Variants in IGFBP7 observed in about 807,000 individuals in gnomAD.
IGFBP7 encodes the protein insulin-like growth factor-binding protein 7.
IGFBP7 carries 31 observed loss-of-function variants against 29.4 expected under a neutral mutation model. The ratio of observed to expected loss-of-function variants is 1.05; its 90% CI spans 0.79 to 1.42. The LOEUF (loss-of-function observed/expected upper bound fraction) is 1.42. Ranked by LOEUF, IGFBP7 falls within the 40% of genes most tolerant of loss-of-function variation. The pLI is 0.00. For missense variants in IGFBP7, 393 were observed against 395.5 expected (o/e 0.99, Z 0.05); for synonymous variants, 172 against 174.9 (o/e 0.98, Z 0.13).
chr4:57,031,277 G>A lies in IGFBP7; in HGVS notation c.*40C>T. On this transcript the variant is annotated 3_prime_UTR_variant, in exon 5 of 5. Coordinates refer to ENST00000295666, the MANE Select transcript of IGFBP7 (RefSeq NM_001553.3). ...AAGAACAGGTAATGTAGTTATCCATGACTACTTTTAACCATGCAGACTAAT... is the reference window on the plus strand; with the variant it reads ...AAGAACAGGTAATGTAGTTATCCATAACTACTTTTAACCATGCAGACTAAT... The A allele has an allele frequency of 2.0e-6, 3 of 1,535,630 alleles. No homozygotes were observed. The highest frequency in any genetic ancestry group is 2.7e-6 in the Non-Finnish European group (3 of 1,110,670).
At chr4:57,105,173 C>T (rs745998746) in intron 1 of IGFBP7, among the ~76,000 whole-genome samples, 3 of 152,200 alleles carry the variant, frequency 2.0e-5, no homozygotes, top group East Asian at 1.9e-4. Context: ...TCCTCCCAAG[C>T]GTTCTTAGCA....
intron 2 of IGFBP7, among the ~76,000 whole-genome samples, chr4:57,038,051 A>T (rs1387057698): frequency 6.6e-6 from 1 of 152,204 alleles, no homozygotes; most frequent in African/African-American, 2.4e-5. Context: ...TTCACTGTAA[A>T]GGATGGTATA....
intron 1 of IGFBP7, among the ~76,000 whole-genome samples, chr4:57,057,710 C>G (rs913556595): frequency 1.3e-5 from 2 of 152,136 alleles, no homozygotes; most frequent in African/African-American, 4.8e-5. Context: ...TTTTAGGAAG[C>G]TGGGCACTTC....
intron 1 of IGFBP7, among the ~76,000 whole-genome samples, chr4:57,100,324 C>T (rs1027028714): frequency 6.6e-6 from 1 of 151,780 alleles, no homozygotes; most frequent in Non-Finnish European, 1.5e-5. Flanking sequence ...AAGAGATCCT[C>T]CCACCTTGGC....
At chr4:57,035,348 T>C (rs1251181221) in intron 2 of IGFBP7, among the ~76,000 whole-genome samples, 2 of 152,224 alleles carry the variant, frequency 1.3e-5, no homozygotes, top group Non-Finnish European at 2.9e-5. Flanking sequence ...AGGTTATACA[T>C]CATGTAGAAA....
chr4:57,091,713 A>C (rs867742446), intron 1 of IGFBP7, among the ~76,000 whole-genome samples: 9 of 152,230 alleles, frequency 5.9e-5, no homozygotes, highest in African/African-American at 2.2e-4. Flanking sequence ...AGCACTGTTT[A>C]CTGTATTAAC....
chr4:57,065,947 G>T (rs946547726), intron 1 of IGFBP7, among the ~76,000 whole-genome samples: 1 of 152,036 alleles, frequency 6.6e-6, no homozygotes, highest in Admixed American at 6.6e-5. Context: ...GTGTTCCTTT[G>T]CTCCCTACCC....
At chr4:57,102,705 C>T (rs1235695778) in intron 1 of IGFBP7, among the ~76,000 whole-genome samples, 1 of 152,122 alleles carries the variant, frequency 6.6e-6, no homozygotes, top group African/African-American at 2.4e-5. Flanking sequence ...CCTCTAAGGC[C>T]CCACTTTGTC....
At chr4:57,036,166 C>T (rs894152056) in intron 2 of IGFBP7, among the ~76,000 whole-genome samples, 1 of 152,100 alleles carries the variant, frequency 6.6e-6, no homozygotes, top group Non-Finnish European at 1.5e-5. Context: ...TTGAGAAAAG[C>T]GAGTTTCAGA....
At chr4:57,077,865 C>T (rs1725265122) in intron 1 of IGFBP7, among the ~76,000 whole-genome samples, 1 of 152,216 alleles carries the variant, frequency 6.6e-6, no homozygotes. Flanking sequence ...GTAATAACAG[C>T]ACTCAGGCCT....
chr4:57,100,721 T>G (rs1725877475), intron 1 of IGFBP7, among the ~76,000 whole-genome samples: 1 of 152,230 alleles, frequency 6.6e-6, no homozygotes, highest in Non-Finnish European at 1.5e-5. Flanking sequence ...CTCTTCTGAA[T>G]CTCTTTTGTT....
chr4:57,072,838 C>G, intron 1 of IGFBP7: 1 of 597,198 alleles, frequency 1.7e-6, no homozygotes, highest in South Asian at 1.4e-5. Context: ...ATAAGCTCTC[C>G]CTAGAGCTCC....
chr4:57,091,448 A>G (rs934172092), intron 1 of IGFBP7, among the ~76,000 whole-genome samples: 1 of 152,192 alleles, frequency 6.6e-6, no homozygotes, highest in African/African-American at 2.4e-5. Context: ...GCTTCATTCA[A>G]TTCCCATTAG....
At chr4:57,053,376 G>A (rs1724562186) in intron 1 of IGFBP7, among the ~76,000 whole-genome samples, 1 of 152,134 alleles carries the variant, frequency 6.6e-6, no homozygotes, top group Non-Finnish European at 1.5e-5. Context: ...TTAAAAAAAA[G>A]TGGGGTACTG....
At chr4:57,055,086 T>C (rs1724622061) in intron 1 of IGFBP7, among the ~76,000 whole-genome samples, 1 of 151,748 alleles carries the variant, frequency 6.6e-6, no homozygotes. Context: ...CAAGCAGAGG[T>C]TTATTCAGTC....
chr4:57,062,041 TAAAG>T (rs1724812736), intron 1 of IGFBP7, among the ~76,000 whole-genome samples: 1 of 152,104 alleles, frequency 6.6e-6, no homozygotes, highest in Admixed American at 6.5e-5. Context: ...ATTTTACAGA[TAAAG>T]AAATTGAGGT....
At chr4:57,096,948 A>G (rs73818607) in intron 1 of IGFBP7, among the ~76,000 whole-genome samples, 3,259 of 152,362 alleles carry the variant, frequency 0.021, 113 homozygotes, top group African/African-American at 0.076. Flanking sequence ...ATTTCCGCCA[A>G]TAAGACTCTA....
At chr4:57,052,851 T>G (rs925619661) in intron 1 of IGFBP7, among the ~76,000 whole-genome samples, 1 of 152,178 alleles carries the variant, frequency 6.6e-6, no homozygotes, top group Non-Finnish European at 1.5e-5. Flanking sequence ...TTTTCTCAAG[T>G]GGACATAGTA....
At chr4:57,040,250 T>G (rs1009566516) in intron 2 of IGFBP7, among the ~76,000 whole-genome samples, 1 of 152,152 alleles carries the variant, frequency 6.6e-6, no homozygotes, top group African/African-American at 2.4e-5. Flanking sequence ...AAATAATCCA[T>G]GCTCCCAGGA....
Sources: gnomAD v4.1 joint callset for allele counts (sites outside exome capture counted in the v4.1 genomes callset) on GRCh38, gnomAD v4.1.1 for gene constraint, MANE v1.5 for transcripts, NCBI Gene and HGNC (gene_info 2026-07-23, HGNC 2026-07-21) for gene names.